The following WDR4 variants were observed in gnomAD, a reference collection of about 807,000 sequenced individuals.
WDR4 encodes tRNA (guanine-N(7)-)-methyltransferase non-catalytic subunit WDR4.
A neutral mutation model predicts 48.6 loss-of-function variants in WDR4; 47 were observed. That is an observed-to-expected ratio of 0.97 (90% confidence interval 0.77 to 1.23). The LOEUF (loss-of-function observed/expected upper bound fraction) is 1.23. Ranked by LOEUF, WDR4 falls within the 50% of genes most tolerant of loss-of-function variation. WDR4 has a pLI of 0.00. For synonymous variants in WDR4, 268 were observed against 230.0 expected (o/e 1.17, Z -1.49); for missense variants, 606 against 551.6 (o/e 1.10, Z -0.99).
chr21:42,873,027 T>C (rs1848861391), intron 3 of WDR4, among the ~76,000 whole-genome samples: 1 of 152,188 alleles, frequency 6.6e-6, no homozygotes, highest in Non-Finnish European at 1.5e-5. Context: ...TATCTCCCGT[T>C]CTTGCCAGAG....
intron 3 of WDR4, among the ~76,000 whole-genome samples, chr21:42,865,150 T>C (rs2058219381): frequency 6.6e-6 from 1 of 152,128 alleles, no homozygotes; most frequent in African/African-American, 2.4e-5. Flanking sequence ...TCCTCCTCCC[T>C]CACAGCTGTG....
intron 3 of WDR4, among the ~76,000 whole-genome samples, chr21:42,869,735 G>A (rs2058327304): frequency 6.6e-6 from 1 of 152,026 alleles, no homozygotes; most frequent in South Asian, 2.1e-4. Context: ...CTGGCCAGGC[G>A]CCAGTGGCTC....
chr21:42,859,680 C>T lies in WDR4; in HGVS notation c.609G>A (p.Leu203=). The T allele has an allele frequency of 1.3e-6, 2 of 1,561,760 alleles. No homozygotes were observed. The highest frequency in any genetic ancestry group is 1.2e-5 in the South Asian group (1 of 84,524). ...RISVVPTQPG[L]LLSSSGDGTL... is the part of the protein sequence containing the mutation. ...CACTTACCCCAGAGGAGGACAGAAG[C>T]AGCCCGGGCTGAGTTGGCACCACGG... is the stretch of plus-strand genomic sequence containing the variant. Residue 203 remains leucine (L), a synonymous_variant, in exon 6 of 11, where the codon CTG becomes CTA. Coordinates refer to ENST00000398208, the MANE Select transcript of WDR4 (RefSeq NM_018669.6).
chr21:42,883,650 G>C (rs369441961), upstream of WDR4: 2 of 153,758 alleles, frequency 1.3e-5, no homozygotes, highest in Non-Finnish European at 2.9e-5. Flanking sequence ...GACAGAAACA[G>C]AGATTGAAGT....
chr21:42,847,089 T>C (rs911845418), downstream of WDR4, among the ~76,000 whole-genome samples: 3 of 149,284 alleles, frequency 2.0e-5, no homozygotes, highest in African/African-American at 2.5e-5. Flanking sequence ...ATTAAAGAGG[T>C]AGAACAAAGT....
chr21:42,849,726 G>T lies in WDR4; in HGVS notation c.*323C>A. ...GAGGAAGATGCAGCGGACACGAAGG[G>T]CGGTATGAGAACAGGAGAAACACAG... On this transcript the variant is annotated 3_prime_UTR_variant, in exon 11 of 11. Coordinates refer to ENST00000398208, the MANE Select transcript of WDR4 (RefSeq NM_018669.6). The T allele has an allele frequency of 7.7e-6, 2 of 260,488 alleles. No individual in the cohort carries two copies. The highest frequency in any genetic ancestry group is 1.5e-5 in the Non-Finnish European group (2 of 136,828). 16.1% of individuals were successfully genotyped at this position (260,488 alleles called of 1,614,324 possible).
intron 4 of WDR4, 28 bp downstream of exon 4, chr21:42,863,411 GT>G (rs779047707): frequency 6.3e-7 from 1 of 1,588,914 alleles, no homozygotes; most frequent in South Asian, 1.1e-5. Flanking sequence ...CACCTGCCAT[GT>G]CCCCCACCTA....
chr21:42,861,943 C>A (rs746515827), intron 5 of WDR4, among the ~76,000 whole-genome samples: 1 of 152,156 alleles, frequency 6.6e-6, no homozygotes, highest in Non-Finnish European at 1.5e-5. Context: ...TCATCCTCGC[C>A]CCCAACACCC....
At chr21:42,891,377 C>A in the WDR4 span, among the ~76,000 whole-genome samples, 4 of 151,530 alleles carry the variant, frequency 2.6e-5, no homozygotes, top group African/African-American at 4.9e-5. Context: ...ACCATAGGTA[C>A]CCCACCTTTA....
Position 42,849,391 on chromosome 21 carries a change from C to T in WDR4, c.*658G>A, listed in dbSNP as rs1013027437. The T allele has an allele frequency of 2.0e-5, 3 of 152,236 alleles. No individual in the cohort carries two copies. The highest frequency in any genetic ancestry group is 4.8e-5 in the African/African-American group (2 of 41,412). 9.4% of individuals were successfully genotyped at this position (152,236 alleles called of 1,614,324 possible). ...CGTCCTCAATCACCTCCCTGTAAAC[C>T]GGGTGCCAGCCAGGCCCGTGCTCAC... On this transcript the variant is annotated 3_prime_UTR_variant, in exon 11 of 11. Coordinates refer to ENST00000398208, the MANE Select transcript of WDR4 (RefSeq NM_018669.6).
intron 3 of WDR4, among the ~76,000 whole-genome samples, chr21:42,873,310 T>C (rs1016881593): frequency 4.6e-5 from 7 of 152,178 alleles, no homozygotes; most frequent in African/African-American, 1.7e-4. Flanking sequence ...CGGAGTCTGC[T>C]ATCTAACTGT....
chr21:42,865,967 C>G (rs1356468281), intron 3 of WDR4, among the ~76,000 whole-genome samples: 1 of 152,098 alleles, frequency 6.6e-6, no homozygotes, highest in Non-Finnish European at 1.5e-5. Context: ...ACACCAGGCA[C>G]CATCCACACC....
chr21:42,889,172 G>A, the WDR4 span, among the ~76,000 whole-genome samples: 2 of 136,578 alleles, frequency 1.5e-5, no homozygotes, highest in East Asian at 2.2e-4. Context: ...TAGTAGAGAC[G>A]GGGTTTCACC....
intron 5 of WDR4, among the ~76,000 whole-genome samples, 163 bp from the exon 6 acceptor site, chr21:42,859,885 T>A (rs2058077100): frequency 6.6e-6 from 1 of 151,954 alleles, no homozygotes; most frequent in African/African-American, 2.4e-5. Context: ...AACCCTAACC[T>A]GGTTAGGGTT....
At chr21:42,892,293 G>A in the WDR4 span, among the ~76,000 whole-genome samples, 3 of 151,910 alleles carry the variant, frequency 2.0e-5, no homozygotes, top group African/African-American at 4.8e-5. Context: ...AAAATCTTTT[G>A]GCATTTTTTT....
At chr21:42,866,312 C>T (rs529977351) in intron 3 of WDR4, among the ~76,000 whole-genome samples, 3 of 152,236 alleles carry the variant, frequency 2.0e-5, no homozygotes, top group South Asian at 2.1e-4. Flanking sequence ...ATCTTGGCTA[C>T]GCCTCAAAAC....
At chr21:42,855,632 G>A (rs2057967254) in intron 7 of WDR4, 50 bp downstream of exon 7, 4 of 1,391,086 alleles carry the variant, frequency 2.9e-6, no homozygotes, top group Non-Finnish European at 3.9e-6. Context: ...TCAGGCGACT[G>A]CCGGTGTCTA....
At chr21:42,879,057 G>A (rs1445557732) in intron 1 of WDR4, 1 of 1,098,504 alleles carries the variant, frequency 9.1e-7, no homozygotes, top group Non-Finnish European at 1.1e-6. Flanking sequence ...CTTGCTGACT[G>A]GTCAGCGTCG....
At chr21:42,854,749 A>G (rs953497327) in intron 7 of WDR4, 123 bp from the exon 8 acceptor site, 2 of 841,240 alleles carry the variant, frequency 2.4e-6, no homozygotes, top group Admixed American at 5.7e-5. Flanking sequence ...AAGAGGAAAC[A>G]GCACTGGAAC....
Sources: gnomAD v4.1 joint callset for allele counts (sites outside exome capture counted in the v4.1 genomes callset) on GRCh38, gnomAD v4.1.1 for gene constraint, MANE v1.5 for transcripts, NCBI Gene and HGNC (gene_info 2026-07-23, HGNC 2026-07-21) for gene names.